IL12RB2: variants seen among roughly 807,000 people sequenced by gnomAD.
IL12RB2 encodes interleukin 12 receptor subunit beta 2.
A neutral mutation model predicts 89.4 loss-of-function variants in IL12RB2; 82 were observed. That is an observed-to-expected ratio of 0.92 (90% CI 0.77 to 1.10). IL12RB2 has a LOEUF of 1.10. Among genes scored for constraint, IL12RB2 ranks in the 50% least tolerant of loss-of-function variants. The pLI is 0.00. For synonymous variants in IL12RB2, 368 were observed against 370.1 expected (o/e 0.99, Z 0.07); for missense variants, 963 against 1,031.9 (o/e 0.93, Z 0.92).
At chr1:67,320,510 G>A (rs1656350224) in intron 3 of IL12RB2, 66 bp downstream of exon 3, 5 of 1,608,314 alleles carry the variant, frequency 3.1e-6, no homozygotes, top group East Asian at 4.5e-5. Flanking sequence ...TACAGATGAA[G>A]TATGTATTTG....
chr1:67,351,223 G>C, intron 10 of IL12RB2, 134 bp downstream of exon 10: 1 of 1,484,786 alleles, frequency 6.7e-7, no homozygotes, highest in Non-Finnish European at 9.0e-7. Flanking sequence ...GCTTTCAGAG[G>C]CTTTTTTTTT....
At chr1:67,343,306 T>C (rs1659858321) in intron 9 of IL12RB2, among the ~76,000 whole-genome samples, 1 of 152,196 alleles carries the variant, frequency 6.6e-6, no homozygotes, top group Non-Finnish European at 1.5e-5. Context: ...GGTCACAGAC[T>C]CCTGGGTTCA....
In IL12RB2 at chr1:67,367,912, C is replaced by T. The variant is rs1662885762; in HGVS notation, c.1346C>T (p.Ser449Phe). The T allele has an allele frequency of 6.2e-7, 1 of 1,607,258 alleles. No homozygotes were observed. The highest frequency in any genetic ancestry group is 1.3e-5 in the African/African-American group (1 of 74,784). ...TGGCAGCCTCCCAGGAAAGATCCCT[C>T]TGCTGTTCAGGAGTACGTGGTGGAA... ...VTWQPPRKDP[S>F]AVQEYVVEWR... Residue 449 changes from serine (S) to phenylalanine (F), a missense_variant, in exon 11 of 17, where the codon TCT (serine) becomes TTT (phenylalanine). Coordinates refer to ENST00000674203, the MANE Select transcript of IL12RB2 (RefSeq NM_001374259.2).
chr1:67,332,809 T>C (rs1569846371), intron 8 of IL12RB2, among the ~76,000 whole-genome samples: 1 of 152,234 alleles, frequency 6.6e-6, no homozygotes, highest in East Asian at 1.9e-4. Context: ...AGCTAAACTA[T>C]AAACTAGGGA....
chr1:67,324,838 C>T (rs1356553781), intron 4 of IL12RB2, among the ~76,000 whole-genome samples: 1 of 152,186 alleles, frequency 6.6e-6, no homozygotes, highest in Non-Finnish European at 1.5e-5. Context: ...AAGTAGGATC[C>T]ACTGAATTTG....
chr1:67,321,311 C>T (rs1656488366), intron 3 of IL12RB2, among the ~76,000 whole-genome samples: 1 of 152,050 alleles, frequency 6.6e-6, no homozygotes, highest in South Asian at 2.1e-4. Flanking sequence ...AACTGTGTTC[C>T]TGAATGTTCT....
At chr1:67,351,685 G>T (rs1394840177) in intron 10 of IL12RB2, among the ~76,000 whole-genome samples, 1 of 152,042 alleles carries the variant, frequency 6.6e-6, no homozygotes, top group African/African-American at 2.4e-5. Context: ...TCTGACTAAT[G>T]AAACTATAGT....
chr1:67,355,974 T>C (rs1267265611), intron 10 of IL12RB2, among the ~76,000 whole-genome samples: 1 of 152,242 alleles, frequency 6.6e-6, no homozygotes, highest in Non-Finnish European at 1.5e-5. Context: ...AAAGGCTCTT[T>C]GGCTTTTTTA....
chr1:67,332,419 T>C (rs1002473820), intron 8 of IL12RB2, among the ~76,000 whole-genome samples: 4 of 152,116 alleles, frequency 2.6e-5, no homozygotes, highest in Non-Finnish European at 5.9e-5. Flanking sequence ...TTTCACCATG[T>C]TGGCCAGGCT....
intron 10 of IL12RB2, among the ~76,000 whole-genome samples, chr1:67,360,257 A>C (rs1661873667): frequency 6.6e-6 from 1 of 151,648 alleles, no homozygotes; most frequent in Admixed American, 6.6e-5. Context: ...CAAATTAGCC[A>C]GCGTGGTAGT....
chr1:67,350,113 T>A (rs1178989249), intron 9 of IL12RB2, among the ~76,000 whole-genome samples: 2 of 152,230 alleles, frequency 1.3e-5, no homozygotes, highest in African/African-American at 4.8e-5. Flanking sequence ...CAAGCCTTCC[T>A]CACCTTGCAT....
In IL12RB2 at chr1:67,398,208, C is replaced by T. The variant is rs912320937; in HGVS notation, c.*2119C>T. Among the ~76,000 whole-genome samples the T allele has an allele frequency of 9.9e-5, 15 of 152,248 alleles. No homozygotes were observed. Among genetic ancestry groups the T allele is most frequent in the African/African-American group, 3.4e-4 (14 of 41,532 alleles). On this transcript the variant is annotated 3_prime_UTR_variant, in exon 17 of 17. Coordinates refer to ENST00000674203, the MANE Select transcript of IL12RB2 (RefSeq NM_001374259.2). The stretch of plus-strand genomic sequence containing the variant: ...AGGACATGCCCTTGACTGGCACAAA[C>T]CGTGACAGACATGCCCTTGACTGGC...
At chr1:67,314,670 G>A (rs943313024) in intron 2 of IL12RB2, among the ~76,000 whole-genome samples, 11 of 152,272 alleles carry the variant, frequency 7.2e-5, no homozygotes, top group African/African-American at 2.4e-4. Context: ...CCTGCGAAAG[G>A]AAACTTAAGA....
intron 1 of IL12RB2, among the ~76,000 whole-genome samples, chr1:67,312,405 C>T (rs1655187576): frequency 6.6e-6 from 1 of 152,096 alleles, no homozygotes. Flanking sequence ...AGACTCCATT[C>T]GTATCTTGTT....
chr1:67,395,659 A>G lies in IL12RB2; in HGVS notation c.2159A>G (p.His720Arg), dbSNP rs1242019108. The change falls in exon 17 of 17, where the codon CAT becomes CGT. Residue 720 changes from histidine (H) to arginine (R), a missense_variant. Coordinates refer to ENST00000674203, the MANE Select transcript of IL12RB2 (RefSeq NM_001374259.2). The part of the protein sequence containing the change: ...VLHQVTPVFR[H>R]PPCSNWPQRE... The stretch of plus-strand genomic sequence containing the variant: ...CATCAAGTGACCCCAGTTTTCAGAC[A>G]TCCCCCCTGCTCCAACTGGCCACAA... The G allele has an allele frequency of 6.2e-7, 1 of 1,614,196 alleles. No individual in the cohort carries two copies. Among genetic ancestry groups the G allele is most frequent in the Admixed American group, 1.7e-5 (1 of 60,030 alleles).
chr1:67,379,914 A>G, intron 13 of IL12RB2, 72 bp from the exon 14 acceptor site: 1 of 1,141,832 alleles, frequency 8.8e-7, no homozygotes, highest in Non-Finnish European at 1.3e-6. Flanking sequence ...TTAAAGAGTA[A>G]GAATGAGTAG....
intron 10 of IL12RB2, among the ~76,000 whole-genome samples, chr1:67,364,360 C>T (rs1662447951): frequency 6.6e-6 from 1 of 152,122 alleles, no homozygotes; most frequent in South Asian, 2.1e-4. Context: ...CACTGCACTC[C>T]AGCCTGTGAG....
intron 13 of IL12RB2, 119 bp downstream of exon 13, chr1:67,372,902 A>G: frequency 2.6e-6 from 2 of 769,926 alleles, no homozygotes; most frequent in Non-Finnish European, 4.8e-6. Flanking sequence ...GCATATAGTA[A>G]GTACTCCATA....
At chr1:67,335,689 A>T (rs4655703) in intron 8 of IL12RB2, among the ~76,000 whole-genome samples, 71,734 of 151,904 alleles carry the variant, frequency 0.47, 19,801 homozygotes, top group Non-Finnish European at 0.6. Context: ...GCTAGATAAC[A>T]TTGAGGTTAG....
Sources: gnomAD v4.1 joint callset for allele counts (sites outside exome capture counted in the v4.1 genomes callset) on GRCh38, gnomAD v4.1.1 for gene constraint, MANE v1.5 for transcripts, NCBI Gene and HGNC (gene_info 2026-07-23, HGNC 2026-07-21) for gene names.